SHC4: variants seen among roughly 807,000 people sequenced by gnomAD.
SHC4 encodes the protein SHC adaptor protein 4, also known as SHC-transforming protein 4.
In SHC4, 41 loss-of-function variants were observed where a neutral mutation model predicts 69.4. That is an observed-to-expected ratio of 0.59 (90% confidence interval 0.46 to 0.77). The LOEUF is 0.77. Among genes scored for constraint, SHC4 ranks in the 30% least tolerant of loss-of-function variants. The probability of loss-of-function intolerance (pLI) is 0.00; values close to 1 mark genes in which losing one functional copy is unlikely to be tolerated. For missense variants in SHC4, 777 were observed against 783.8 expected (o/e 0.99, Z 0.10); for synonymous variants, 318 against 299.3 (o/e 1.06, Z -0.64).
chr15:48,885,317 T>G (rs1349897234), intron 3 of SHC4, among the ~76,000 whole-genome samples: 1 of 150,010 alleles, frequency 6.7e-6, no homozygotes, highest in Non-Finnish European at 1.5e-5. Flanking sequence ...CAAATTCCTT[T>G]TATATAAAAT....
chr15:48,861,640 C>T (rs1468214168), intron 6 of SHC4, among the ~76,000 whole-genome samples: 21 of 152,098 alleles, frequency 1.4e-4, no homozygotes. Context: ...AAAGAGGGTG[C>T]CTTTTCAGGG....
At chr15:48,829,501 T>C (rs1158042377) in intron 11 of SHC4, among the ~76,000 whole-genome samples, 2 of 152,226 alleles carry the variant, frequency 1.3e-5, no homozygotes, top group African/African-American at 4.8e-5. Flanking sequence ...TCTCTTTTGA[T>C]ATTTTGACTT....
At chr15:48,869,908 G>A (rs1428425127) in intron 5 of SHC4, among the ~76,000 whole-genome samples, 1 of 152,086 alleles carries the variant, frequency 6.6e-6, no homozygotes, top group Non-Finnish European at 1.5e-5. Flanking sequence ...TCCCATAGTG[G>A]CCACAAATTA....
chr15:48,871,891 T>C, intron 5 of SHC4, 198 bp downstream of exon 5: 1 of 474,962 alleles, frequency 2.1e-6, no homozygotes, highest in South Asian at 2.6e-5. Flanking sequence ...AATTTAATAA[T>C]AGGAAATGTT....
chr15:48,835,795 C>G (rs986229509), intron 10 of SHC4, among the ~76,000 whole-genome samples: 2 of 152,096 alleles, frequency 1.3e-5, no homozygotes, highest in Admixed American at 1.3e-4. Context: ...CTGCGTAGTT[C>G]TCATTTATCA....
chr15:48,871,077 A>G (rs1262558798), intron 5 of SHC4, among the ~76,000 whole-genome samples: 1 of 152,212 alleles, frequency 6.6e-6, no homozygotes, highest in East Asian at 1.9e-4. Flanking sequence ...TTATTCCTCA[A>G]TTACAGGTGA....
chr15:48,854,526 A>G (rs1899274455), intron 8 of SHC4, among the ~76,000 whole-genome samples: 1 of 152,248 alleles, frequency 6.6e-6, no homozygotes, highest in Admixed American at 6.5e-5. Flanking sequence ...TTCTATGTTC[A>G]TCGCAGCACT....
chr15:48,897,700 C>T (rs1177377163), intron 2 of SHC4, among the ~76,000 whole-genome samples: 1 of 143,724 alleles, frequency 7.0e-6, no homozygotes, highest in Non-Finnish European at 1.5e-5. Context: ...TGAAACCAGG[C>T]AAAGGGGCCC....
At chr15:48,843,082 C>G (rs576506865) in intron 10 of SHC4, among the ~76,000 whole-genome samples, 4 of 152,138 alleles carry the variant, frequency 2.6e-5, no homozygotes, top group Non-Finnish European at 4.4e-5. Context: ...TTCATCTCCT[C>G]CTAAATCCAG....
intron 1 of SHC4, among the ~76,000 whole-genome samples, chr15:48,928,361 T>C (rs1900893880): frequency 6.6e-6 from 1 of 152,012 alleles, no homozygotes; most frequent in Non-Finnish European, 1.5e-5. Context: ...CCCTGGATGA[T>C]AGAGTTGACA....
intron 9 of SHC4, among the ~76,000 whole-genome samples, chr15:48,848,653 T>C (rs1056166369): frequency 1.3e-5 from 2 of 152,194 alleles, no homozygotes; most frequent in African/African-American, 4.8e-5. Flanking sequence ...CTTAGGGAAA[T>C]ATATATGTAA....
chr15:48,851,610 CTCTG>C (rs1899216220), intron 8 of SHC4, among the ~76,000 whole-genome samples: 1 of 152,156 alleles, frequency 6.6e-6, no homozygotes, highest in Non-Finnish European at 1.5e-5. Flanking sequence ...TGTAGCCAAC[CTCTG>C]TCTAATTTTG....
At chr15:48,907,981 A>G (rs1181175762) in intron 2 of SHC4, among the ~76,000 whole-genome samples, 2 of 152,046 alleles carry the variant, frequency 1.3e-5, no homozygotes, top group Non-Finnish European at 1.5e-5. Flanking sequence ...TTTTCGAATA[A>G]TGACTTATTT....
intron 2 of SHC4, among the ~76,000 whole-genome samples, chr15:48,915,269 C>G (rs780779439): frequency 2.0e-5 from 3 of 152,174 alleles, no homozygotes; most frequent in Non-Finnish European, 4.4e-5. Flanking sequence ...CAAAAAGGTA[C>G]AATTGGCTTT....
chr15:48,950,130 TTTATTTTATATTATATAATTGTATATA>T (rs1435959084), intron 1 of SHC4, among the ~76,000 whole-genome samples: 1 of 144,326 alleles, frequency 6.9e-6, no homozygotes, highest in Non-Finnish European at 1.5e-5. Flanking sequence ...ATAATATGTG[TTTATTTTATATTATATAATTGTATATA>T]TTATTTTATA....
intron 2 of SHC4, among the ~76,000 whole-genome samples, chr15:48,893,853 T>C (rs1194853364): frequency 3.3e-5 from 5 of 152,322 alleles, no homozygotes; most frequent in Non-Finnish European, 7.3e-5. Context: ...TGGCACATAC[T>C]TGTAGTCCCA....
At chr15:48,900,962 A>G (rs1465222865) in intron 2 of SHC4, among the ~76,000 whole-genome samples, 2 of 152,238 alleles carry the variant, frequency 1.3e-5, no homozygotes, top group Non-Finnish European at 2.9e-5. Flanking sequence ...TGCAGGTTAT[A>G]TAGTTTCTGT....
intron 2 of SHC4, 38 bp downstream of exon 2, chr15:48,924,841 C>G (rs1014351205): frequency 6.3e-7 from 1 of 1,599,444 alleles, no homozygotes; most frequent in East Asian, 2.2e-5. Flanking sequence ...GACTTTAAAC[C>G]ATACTCCTCA....
chr15:48,875,061 G>A (rs1266736404), intron 4 of SHC4, among the ~76,000 whole-genome samples: 2 of 152,184 alleles, frequency 1.3e-5, no homozygotes, highest in Non-Finnish European at 2.9e-5. Flanking sequence ...GACTGCAGAA[G>A]ACTTTAAGAC....
Sources: gnomAD v4.1 joint callset for allele counts (sites outside exome capture counted in the v4.1 genomes callset) on GRCh38, gnomAD v4.1.1 for gene constraint, MANE v1.5 for transcripts, NCBI Gene and HGNC (gene_info 2026-07-23, HGNC 2026-07-21) for gene names.